ACSBG2: variants seen among roughly 807,000 people sequenced by gnomAD.
ACSBG2 encodes acyl-CoA synthetase bubblegum family member 2.
In ACSBG2, 62 loss-of-function variants were observed where a neutral mutation model predicts 74.7. The observed-to-expected ratio is 0.83, with a 90% CI of 0.68 to 1.03. The LOEUF (loss-of-function observed/expected upper bound fraction) is 1.03. Among genes scored for constraint, ACSBG2 ranks in the 50% least tolerant of loss-of-function variants. ACSBG2 has a pLI of 0.00. For synonymous variants in ACSBG2, 309 were observed against 294.1 expected, an observed-to-expected ratio of 1.05 and a Z score of -0.52; for missense variants, 730 against 817.6, an observed-to-expected ratio of 0.89 and a Z score of 1.31.
At chr19:6,162,711 G>C (rs2089667901) in intron 6 of ACSBG2, among the ~76,000 whole-genome samples, 1 of 151,986 alleles carries the variant, frequency 6.6e-6, no homozygotes, top group Admixed American at 6.6e-5. Context: ...CCTTGCTGTT[G>C]ACATTTGGGG....
intron 10 of ACSBG2, among the ~76,000 whole-genome samples, chr19:6,185,052 A>G (rs546909028): frequency 9.9e-5 from 15 of 151,964 alleles, no homozygotes; most frequent in African/African-American, 3.6e-4. Flanking sequence ...CCTCCCAAGT[A>G]GCTGGGACCA....
chr19:6,167,214 G>A (rs1282220960), intron 7 of ACSBG2, among the ~76,000 whole-genome samples: 4 of 152,206 alleles, frequency 2.6e-5, no homozygotes, highest in Admixed American at 1.3e-4. Context: ...ACACACTGGT[G>A]TCTGACCACC....
At chr19:6,141,364 G>T in intron 1 of ACSBG2, 149 bp from the exon 2 acceptor site, 1 of 563,842 alleles carries the variant, frequency 1.8e-6, no homozygotes, top group Non-Finnish European at 3.2e-6. Flanking sequence ...TGGCATGCCG[G>T]CCACTCTCCT....
intron 7 of ACSBG2, chr19:6,175,579 G>A (rs1389294603): frequency 6.6e-6 from 1 of 152,146 alleles, no homozygotes; most frequent in South Asian, 2.1e-4. Context: ...GCTGAAGAAA[G>A]AGCATTCCAA....
At position 6,155,910 on chromosome 19, in the gene ACSBG2, G is replaced by C. The variant is rs368414170; in HGVS notation, c.387-521G>C. On this transcript the variant is annotated intron_variant, in intron 4 of 14. Transcript: ENST00000588485. ...ATAGATAAAGAAATTCTGTAACTCA[G>C]TAATAAAAAGGCAAAAAAAAAAAAA... is the stretch of plus-strand genomic sequence containing the variant. 9.7e-5 allele frequency among the ~76,000 whole-genome samples: 12 copies of C among 123,134 alleles called. No homozygotes were observed. The East Asian group carries it at 2.3e-3, about 23-fold the overall frequency. 80.8% of individuals were successfully genotyped at this position (123,134 alleles called of 152,430 possible). A position where few individuals can be genotyped will look rare whatever the true frequency, so the allele number is the denominator to read the frequency against.
rs534388686 is a variant in ACSBG2 at position 6,170,954 on chromosome 19, T to A, written c.738+4939T>A. On this transcript the variant is annotated intron_variant, in intron 7 of 14. Transcript: ENST00000588485. ...TCTGGTTGAATTTAACCCTTTATCA[T>A]TATATAATGCCTTTCTTTGTCTTTT... Among the ~76,000 whole-genome samples the A allele has an allele frequency of 1.4e-4, 22 of 151,836 alleles. No individual in the cohort carries two copies. The South Asian group carries it at 4.4e-3, about 30-fold the overall frequency.
intron 10 of ACSBG2, 29 bp downstream of exon 10, chr19:6,183,301 C>G: frequency 6.3e-7 from 1 of 1,597,378 alleles, no homozygotes; most frequent in Non-Finnish European, 8.6e-7. Context: ...GACCCCTGCT[C>G]CTCCCATAAC....
In ACSBG2 at chr19:6,160,263, G is replaced by A. The variant is rs1210775333; in HGVS notation, c.508-952G>A. 1.1e-4 allele frequency among the ~76,000 whole-genome samples: 16 copies of A among 151,956 alleles called. 1 individual carries two copies. In the East Asian group the frequency reaches 1.2e-3, roughly 11 times the overall value. On this transcript the variant is annotated intron_variant, in intron 5 of 14. Transcript: ENST00000588485. Reference sequence around the variant, plus strand: ...AAATTAGCCAAGCATGGTGGCGGGCGCCTGTAGTCCCAGCTACTCGGGAGG... The same window carrying A: ...AAATTAGCCAAGCATGGTGGCGGGCACCTGTAGTCCCAGCTACTCGGGAGG...
At chr19:6,161,179 G>C (rs2089597957) in intron 5 of ACSBG2, 36 bp from the exon 6 acceptor site, 2 of 1,575,560 alleles carry the variant, frequency 1.3e-6, no homozygotes, top group African/African-American at 1.4e-5. Context: ...TCCCAGGGCT[G>C]GGTTGCCATG....
chr19:6,179,613 A>G (rs2090189296), intron 8 of ACSBG2, among the ~76,000 whole-genome samples: 1 of 152,030 alleles, frequency 6.6e-6, no homozygotes. Context: ...TTAAAACAAT[A>G]TTTATTTATT....
At chr19:6,186,157 C>CA (rs1452562996) in intron 11 of ACSBG2, among the ~76,000 whole-genome samples, 1 of 151,320 alleles carries the variant, frequency 6.6e-6, no homozygotes, top group African/African-American at 2.4e-5. Context: ...TAATAATCGA[C>CA]AGAGTTGTAA....
At chr19:6,156,301 A>T (rs1479827446) in intron 4 of ACSBG2, 130 bp from the exon 5 acceptor site, 5 of 930,350 alleles carry the variant, frequency 5.4e-6, no homozygotes, top group Non-Finnish European at 7.7e-6. Flanking sequence ...GTTGGGGAGG[A>T]AGGGAAGCTG....
In ACSBG2 at chr19:6,137,749, G is replaced by C. The variant is rs544165812; in HGVS notation, c.-32+1840G>C. On this transcript the variant is annotated intron_variant, in intron 1 of 14. Coordinates refer to ENST00000588485, the MANE Select transcript of ACSBG2 (RefSeq NM_030924.5). ...TGCAACCTCTGCCTCTTGGGTTCAA[G>C]CAATTCTCCCACCTCAACCTCCTGA... Among the ~76,000 whole-genome samples, 14 of 152,210 alleles carry C rather than the reference G, an allele frequency of 9.2e-5. No homozygotes were observed. In the East Asian group the frequency reaches 2.7e-3, roughly 29 times the overall value.
chr19:6,155,642 T>C (rs1269537149), intron 4 of ACSBG2, among the ~76,000 whole-genome samples: 2 of 151,834 alleles, frequency 1.3e-5, no homozygotes, highest in African/African-American at 4.8e-5. Flanking sequence ...ATACAAAAAT[T>C]AGCCAGGTGT....
In ACSBG2 at chr19:6,159,111, C is replaced by T. The variant is rs576825320; in HGVS notation, c.508-2104C>T. On this transcript the variant is annotated intron_variant, in intron 5 of 14. Coordinates refer to ENST00000588485, the MANE Select transcript of ACSBG2 (RefSeq NM_030924.5). ...TAGCTGGGACTACAGGTGCACACCA[C>T]CACACCGGGCTAATTTTTGCATTTT... 8.9e-4 allele frequency among the ~76,000 whole-genome samples: 135 copies of T among 152,258 alleles called. 1 individual carries two copies. The highest frequency in any genetic ancestry group is 3.1e-3 in the African/African-American group (130 of 41,554).
At chr19:6,181,142 C>T (rs1272570083) in intron 8 of ACSBG2, among the ~76,000 whole-genome samples, 1 of 142,876 alleles carries the variant, frequency 7.0e-6, no homozygotes. Flanking sequence ...GAGAATAGCT[C>T]AAACCTGGGA....
At chr19:6,175,158 G>A (rs1294381544) in intron 7 of ACSBG2, 1 of 152,224 alleles carries the variant, frequency 6.6e-6, no homozygotes, top group African/African-American at 2.4e-5. Flanking sequence ...GACTGTGCAT[G>A]ACAAGGTTTA....
At position 6,156,442 on chromosome 19, in the gene ACSBG2, T is replaced by G. The variant is rs752562025; in HGVS notation, c.398T>G (p.Val133Gly). 50 of 1,592,648 alleles carry G rather than the reference T, an allele frequency of 3.1e-5. No homozygotes were observed. Among genetic ancestry groups the G allele is most frequent in the Non-Finnish European group, 4.3e-5 (50 of 1,171,690 alleles). Residue 133 changes from valine (V) to glycine (G), a missense_variant, in exon 5 of 15, where the codon GTT becomes GGT. Transcript: ENST00000588485. ...VGAILAGGLC[V>G]GIYATNSAEV... ...TTTTCTTTTCCCAGGGGTCTTTGTGTTGGTATTTATGCCACCAACTCTGCC... is the reference window on the plus strand; with the variant it reads ...TTTTCTTTTCCCAGGGGTCTTTGTGGTGGTATTTATGCCACCAACTCTGCC...
Position 6,165,939 on chromosome 19 carries a change from C to A in ACSBG2, c.662C>A (p.Ala221Glu), listed in dbSNP as rs1172081225. Residue 221 changes from alanine (A) to glutamate (E), a missense_variant, in exon 7 of 15, where the codon GCG (alanine) becomes GAG (glutamate). Transcript: ENST00000588485. ...QLEQVIESQKANQCAVLIYTS... is the reference protein window; with the variant it reads ...QLEQVIESQKENQCAVLIYTS... Reference sequence around the variant, plus strand: ...GAGCAGGTCATCGAGAGCCAGAAGGCGAATCAATGCGCAGTGCTCATCTAC... The same window carrying A: ...GAGCAGGTCATCGAGAGCCAGAAGGAGAATCAATGCGCAGTGCTCATCTAC... The A allele has an allele frequency of 4.3e-6, 7 of 1,613,508 alleles. No individual in the cohort carries two copies. In the African/African-American group the frequency reaches 6.7e-5, roughly 15 times the overall value.
Sources: gnomAD v4.1 joint callset for allele counts (sites outside exome capture counted in the v4.1 genomes callset) on GRCh38, gnomAD v4.1.1 for gene constraint, MANE v1.5 for transcripts, NCBI Gene and HGNC (gene_info 2026-07-23, HGNC 2026-07-21) for gene names.